ZNF407: variants seen among roughly 807,000 people sequenced by gnomAD.
ZNF407 encodes zinc finger protein 407.
ZNF407 carries 17 observed loss-of-function variants against 131.2 expected under a neutral mutation model. That is an observed-to-expected ratio of 0.13 (90% CI 0.09 to 0.19). The LOEUF is 0.19. Ranked by LOEUF, ZNF407 falls within the 10% of genes least tolerant of loss-of-function variation. The pLI is 1.00. For synonymous variants in ZNF407, 1,156 were observed against 1,062.0 expected, an observed-to-expected ratio of 1.09 and a Z score of -1.72; for missense variants, 2,681 against 2,830.6, an observed-to-expected ratio of 0.95 and a Z score of 1.20.
intron 4 of ZNF407, among the ~76,000 whole-genome samples, chr18:74,794,317 G>T (rs1369886535): frequency 1.3e-5 from 2 of 152,160 alleles, no homozygotes; most frequent in African/African-American, 4.8e-5. Flanking sequence ...CTCAAGACAG[G>T]CTGTGGAATT....
intron 4 of ZNF407, among the ~76,000 whole-genome samples, chr18:74,860,230 A>G (rs774024037): frequency 2.1e-4 from 32 of 151,984 alleles, no homozygotes; most frequent in Non-Finnish European, 4.3e-4. Context: ...CTGGGAGTTC[A>G]AGGATGCAGT....
At position 74,979,040 on chromosome 18, in the gene ZNF407, G is replaced by A. The variant is rs192933868; in HGVS notation, c.5428+58348G>A. Among the ~76,000 whole-genome samples, 13 of 152,212 alleles carry A rather than the reference G, an allele frequency of 8.5e-5. No individual in the cohort carries two copies. In the East Asian group the frequency reaches 2.3e-3, roughly 27 times the overall value. ...CATCAAATGCTGAGAGAGAAGGGAC[G>A]ACTTCGCGGGCAGCACTGCTTTTGA... On this transcript the variant is annotated intron_variant, in intron 8 of 8. Coordinates refer to ENST00000299687, the MANE Select transcript of ZNF407 (RefSeq NM_017757.3).
intron 8 of ZNF407, among the ~76,000 whole-genome samples, chr18:74,980,586 C>T (rs1043033402): frequency 4.6e-5 from 7 of 152,138 alleles, no homozygotes; most frequent in Admixed American, 3.9e-4. Context: ...AGATTACAGG[C>T]GTGAGCCACC....
rs776452928 is a variant in ZNF407, at chr18:74,635,187, C to T, written c.4168C>T (p.Pro1390Ser). The change falls in exon 2 of 9, where the codon CCC becomes TCC. Residue 1390 changes from proline to serine, a missense_variant. This residue lies in a region of ZNF407 where 1,789 missense variants were observed against 1,748.7 expected (regional missense o/e 1.02). Transcript: ENST00000299687. The surrounding 1 kb of genome is among the most constrained non-coding windows in gnomAD (Gnocchi z 4.7). ...AACGGGAGTGAGAATTAGTGAGCTGCCCTTGAAAGACTGTGCTCAAGGTGT... is the reference window on the plus strand; with the variant it reads ...AACGGGAGTGAGAATTAGTGAGCTGTCCTTGAAAGACTGTGCTCAAGGTGT... ...IATGVRISEL[P>S]LKDCAQGVKK... 1.1e-5 allele frequency: 17 copies of T among 1,613,830 alleles called. No homozygotes were observed. The South Asian group carries it at 1.9e-4, about 18-fold the overall frequency.
At chr18:74,818,080 C>T (rs539752416) in intron 4 of ZNF407, among the ~76,000 whole-genome samples, 7 of 152,294 alleles carry the variant, frequency 4.6e-5, no homozygotes, top group South Asian at 4.1e-4. Context: ...AAATGTGTTG[C>T]ACTAGGTCAG....
intron 3 of ZNF407, among the ~76,000 whole-genome samples, chr18:74,645,674 T>TGG (rs768264727): frequency 3.6e-4 from 50 of 140,638 alleles, no homozygotes; most frequent in Non-Finnish European, 3.3e-4. Context: ...TGTGTGTGTG[T>TGG]GGCATTACCT....
intron 8 of ZNF407, among the ~76,000 whole-genome samples, chr18:75,049,869 T>G (rs910785296): frequency 3.3e-5 from 5 of 152,232 alleles, no homozygotes; most frequent in African/African-American, 1.2e-4. Context: ...AAGTATAGTC[T>G]GAGCAGCTTA....
intron 3 of ZNF407, among the ~76,000 whole-genome samples, chr18:74,668,905 TA>T (rs1986031188): frequency 6.6e-6 from 1 of 152,122 alleles, no homozygotes; most frequent in Non-Finnish European, 1.5e-5. Flanking sequence ...GTTTAGGATA[TA>T]TCATTAAAAA....
chr18:74,945,691 A>T (rs2145273247), intron 8 of ZNF407, among the ~76,000 whole-genome samples: 1 of 152,310 alleles, frequency 6.6e-6, no homozygotes. Context: ...TCAGTGTCGA[A>T]TGAACCTAAT....
chr18:75,039,144 C>T (rs548369423), intron 8 of ZNF407, among the ~76,000 whole-genome samples: 32 of 152,356 alleles, frequency 2.1e-4, no homozygotes, highest in African/African-American at 7.5e-4. Context: ...TTTAAATGCA[C>T]TTGCCATTAA....
chr18:74,730,628 T>A (rs912290297), intron 3 of ZNF407, among the ~76,000 whole-genome samples: 1 of 152,244 alleles, frequency 6.6e-6, no homozygotes, highest in Non-Finnish European at 1.5e-5. Context: ...TTGTTCAACA[T>A]TGATTACACT....
At chr18:74,755,240 G>A (rs1599126142) in intron 3 of ZNF407, among the ~76,000 whole-genome samples, 2 of 151,386 alleles carry the variant, frequency 1.3e-5, no homozygotes, top group South Asian at 4.2e-4. Context: ...GAGCCTATTT[G>A]TGTCTCTGCA....
chr18:74,899,771 A>G (rs552698338), intron 7 of ZNF407, among the ~76,000 whole-genome samples: 6 of 152,284 alleles, frequency 3.9e-5, no homozygotes, highest in African/African-American at 1.2e-4. Context: ...TGTTGATGAA[A>G]TAGGAGAGTG....
At chr18:75,006,519 A>G (rs775646791) in intron 8 of ZNF407, among the ~76,000 whole-genome samples, 1 of 152,166 alleles carries the variant, frequency 6.6e-6, no homozygotes. Context: ...CAGTCTCAAG[A>G]TATTTTAATT....
chr18:74,985,298 A>C (rs73476484), intron 8 of ZNF407, among the ~76,000 whole-genome samples: 374 of 152,328 alleles, frequency 2.5e-3, no homozygotes, highest in African/African-American at 8.6e-3. Context: ...AAACATGAAA[A>C]GGTGAATAAA....
Position 75,063,568 on chromosome 18 carries a change from A to C in ZNF407, c.5847A>C (p.Glu1949Asp). 6.4e-7 allele frequency: 1 copy of C among 1,566,632 alleles called. No homozygotes were observed. Residue 1949 changes from glutamate to aspartate, a missense_variant, in exon 9 of 9, where the codon GAA becomes GAC. Around this residue, in one of 6 missense-constraint regions of ZNF407, gnomAD observed 620 missense variants for 583.1 expected, o/e 1.06. Transcript: ENST00000299687. This position sits in a 1 kb window ranked among gnomAD's most constrained non-coding sequence, Gnocchi z 6.6. ...TGGTCGTCGTGGGGGGCTCCATGGA[A>C]GGCCACGGCATGGATGAGTCCCTCA... ...TQVVVVGGSMEGHGMDESLSP... is the reference protein window; with the variant it reads ...TQVVVVGGSMDGHGMDESLSP...
chr18:74,918,462 T>TA (rs1280844076), intron 7 of ZNF407, among the ~76,000 whole-genome samples: 1 of 152,234 alleles, frequency 6.6e-6, no homozygotes, highest in Non-Finnish European at 1.5e-5. Context: ...GTACCTGGCA[T>TA]ACATTAGGTG....
intron 2 of ZNF407, among the ~76,000 whole-genome samples, chr18:74,638,159 G>A (rs948537247): frequency 5.3e-5 from 8 of 152,222 alleles, no homozygotes; most frequent in Admixed American, 5.2e-4. Context: ...GAGATACGGA[G>A]TGTGTGACTT....
intron 1 of ZNF407, among the ~76,000 whole-genome samples, chr18:74,619,491 A>G (rs1983434039): frequency 6.6e-6 from 1 of 152,188 alleles, no homozygotes; most frequent in Non-Finnish European, 1.5e-5. Context: ...TTTGAAAAAG[A>G]TGAAAGGAAA....
Sources: allele counts gnomAD v4.1 joint callset (sites outside exome capture counted in the v4.1 genomes callset), GRCh38; gene constraint gnomAD v4.1.1; regional missense constraint gnomAD v4.1.1; non-coding constraint Gnocchi (gnomAD v3.1); transcripts MANE v1.5; gene names NCBI Gene and HGNC (gene_info 2026-07-23, HGNC 2026-07-21).